Variants in GRM1 observed in about 807,000 individuals in gnomAD.
The protein encoded by GRM1 is glutamate metabotropic receptor 1.
In GRM1, 33 loss-of-function variants were observed where a neutral mutation model predicts 90.9. The ratio of observed to expected loss-of-function variants is 0.36; its 90% confidence interval spans 0.28 to 0.49. The LOEUF (loss-of-function observed/expected upper bound fraction) is 0.49, where lower values mean the gene tolerates loss of function less well. Among genes scored for constraint, GRM1 ranks in the 20% least tolerant of loss-of-function variants. The pLI, the probability that GRM1 is intolerant of heterozygous loss-of-function variation, is 0.99. For missense variants in GRM1, 1,190 were observed against 1,534.3 expected (o/e 0.78, Z 3.75); for synonymous variants, 700 against 613.2 (o/e 1.14, Z -2.09).
At chr6:146,098,105 G>A (rs770100776) in intron 1 of GRM1, among the ~76,000 whole-genome samples, 10 of 152,144 alleles carry the variant, frequency 6.6e-5, no homozygotes, top group South Asian at 6.2e-4. Flanking sequence ...TCAATGAAAC[G>A]GAATGATTAT....
At chr6:146,337,415 A>C (rs1172616790) in intron 3 of GRM1, among the ~76,000 whole-genome samples, 1 of 152,242 alleles carries the variant, frequency 6.6e-6, no homozygotes, top group African/African-American at 2.4e-5. Flanking sequence ...ACTAATAATG[A>C]AATTAAATGT....
In GRM1 at chr6:146,255,993, T is replaced by C. The variant is rs181734105; in HGVS notation, c.951-48618T>C. On this transcript the variant is annotated intron_variant, in intron 2 of 7. Transcript: ENST00000282753. ...ACTATTCTGGTGCTTTGACTCAAGC[T>C]GTATCCTAACCAGTAGGCATTTCCC... 1.0e-3 allele frequency among the ~76,000 whole-genome samples: 154 copies of C among 152,312 alleles called. No individual in the cohort carries two copies. In the Middle Eastern group the frequency reaches 0.024, roughly 24 times the overall value.
At chr6:146,282,613 A>G (rs941887581) in intron 2 of GRM1, among the ~76,000 whole-genome samples, 1 of 152,212 alleles carries the variant, frequency 6.6e-6, no homozygotes, top group African/African-American at 2.4e-5. Flanking sequence ...TTATTAATTC[A>G]GAAAATATTT....
At chr6:146,262,834 A>G (rs1439359125) in intron 2 of GRM1, among the ~76,000 whole-genome samples, 1 of 151,844 alleles carries the variant, frequency 6.6e-6, no homozygotes, top group Admixed American at 6.6e-5. Flanking sequence ...CCAAATTTAA[A>G]TGTATACATA....
chr6:146,304,901 T>A (rs1319498308), intron 3 of GRM1, 55 bp downstream of exon 3: 2 of 1,200,800 alleles, frequency 1.7e-6, no homozygotes, highest in Non-Finnish European at 2.5e-6. Flanking sequence ...CTTCTAGATT[T>A]ATTGCAACTT....
intron 4 of GRM1, among the ~76,000 whole-genome samples, chr6:146,357,045 C>T (rs757560304): frequency 6.6e-6 from 1 of 152,156 alleles, no homozygotes; most frequent in Non-Finnish European, 1.5e-5. Context: ...ATTAAAGATG[C>T]CTTTCTCAGA....
intron 2 of GRM1, among the ~76,000 whole-genome samples, chr6:146,269,966 TA>T (rs56387936): frequency 0.092 from 12,758 of 138,476 alleles, 1,279 homozygotes; most frequent in African/African-American, 0.26. Flanking sequence ...AATGTTTAAA[TA>T]AAAAAAAAAA....
chr6:146,097,100 A>C (rs1187974799), intron 1 of GRM1, among the ~76,000 whole-genome samples: 1 of 152,176 alleles, frequency 6.6e-6, no homozygotes, highest in African/African-American at 2.4e-5. Flanking sequence ...GATATTGTAC[A>C]TACCTAAACT....
chr6:146,270,393 A>G (rs965568216), intron 2 of GRM1, among the ~76,000 whole-genome samples: 4 of 152,194 alleles, frequency 2.6e-5, no homozygotes, highest in African/African-American at 9.6e-5. Flanking sequence ...CCTCAGACAG[A>G]AGAATCTTCT....
At chr6:146,192,041 C>G (rs1778950273) in intron 2 of GRM1, among the ~76,000 whole-genome samples, 5 of 152,172 alleles carry the variant, frequency 3.3e-5, no homozygotes, top group Admixed American at 3.3e-4. Context: ...ATTATTCAGA[C>G]TACTTACTAA....
intron 5 of GRM1, among the ~76,000 whole-genome samples, chr6:146,383,756 G>A (rs1460606398): frequency 6.6e-6 from 1 of 151,958 alleles, no homozygotes; most frequent in Non-Finnish European, 1.5e-5. Context: ...TTTAAAGTAT[G>A]GCAATAATTA....
At chr6:146,145,448 A>G (rs1023822782) in intron 1 of GRM1, among the ~76,000 whole-genome samples, 1 of 152,336 alleles carries the variant, frequency 6.6e-6, no homozygotes, top group Admixed American at 6.5e-5. Context: ...GGGCCACTTC[A>G]GAACTCTACT....
At chr6:146,149,665 C>G (rs1157238658) in intron 1 of GRM1, among the ~76,000 whole-genome samples, 1 of 152,100 alleles carries the variant, frequency 6.6e-6, no homozygotes, top group East Asian at 1.9e-4. Flanking sequence ...TAAGTCTCAT[C>G]CTCTCAATCA....
chr6:146,435,073 G>T lies in GRM1; in HGVS notation c.*277G>T. 1.8e-6 allele frequency: 1 copy of T among 562,622 alleles called. No individual in the cohort carries two copies. 34.9% of individuals were successfully genotyped at this position (562,622 alleles called of 1,614,324 possible). ...ATTCTGACAAAGCACAATTCCATAT[G>T]GTATGTAACTTTTATCACAAATCAA... On this transcript the variant is annotated 3_prime_UTR_variant, in exon 8 of 8. Transcript: ENST00000282753.
Position 146,308,620 on chromosome 6 carries a change from G to A in GRM1, c.1186+3774G>A, listed in dbSNP as rs1365059624. Among the ~76,000 whole-genome samples the A allele has an allele frequency of 3.3e-5, 5 of 152,204 alleles. No homozygotes were observed. In the East Asian group the frequency reaches 7.7e-4, roughly 24 times the overall value. ...ATTTTCTCTTATATTTTCCCATGCA[G>A]TCTTTTATAATTTTTTTCTGATGAT... is the stretch of plus-strand genomic sequence containing the variant. On this transcript the variant is annotated intron_variant, in intron 3 of 7. Transcript: ENST00000282753.
At chr6:146,296,467 T>G (rs1487442096) in intron 2 of GRM1, among the ~76,000 whole-genome samples, 14 of 152,162 alleles carry the variant, frequency 9.2e-5, no homozygotes, top group Admixed American at 9.2e-4. Context: ...AAATACACAA[T>G]ACGTTATTAT....
At chr6:146,333,028 A>G (rs1784638907) in intron 3 of GRM1, among the ~76,000 whole-genome samples, 1 of 152,194 alleles carries the variant, frequency 6.6e-6, no homozygotes, top group African/African-American at 2.4e-5. Flanking sequence ...TATCAAATTA[A>G]AAGAAAGTGG....
intron 6 of GRM1, among the ~76,000 whole-genome samples, chr6:146,394,791 G>A (rs567731555): frequency 6.6e-6 from 1 of 152,076 alleles, no homozygotes. Flanking sequence ...AAATAAGCAC[G>A]CTATTTGAAC....
chr6:146,427,840 T>C (rs1778266167), intron 7 of GRM1, among the ~76,000 whole-genome samples: 1 of 152,160 alleles, frequency 6.6e-6, no homozygotes, highest in Non-Finnish European at 1.5e-5. Flanking sequence ...GGGGTGAGTC[T>C]AACCAAGGAC....
Sources: gnomAD v4.1 joint callset for allele counts (sites outside exome capture counted in the v4.1 genomes callset) on GRCh38, gnomAD v4.1.1 for gene constraint, MANE v1.5 for transcripts, NCBI Gene and HGNC (gene_info 2026-07-23, HGNC 2026-07-21) for gene names.